DPYD: variants seen among roughly 807,000 people sequenced by gnomAD.
The protein encoded by DPYD is dihydropyrimidine dehydrogenase [NADP(+)].
DPYD carries 109 observed loss-of-function variants against 116.2 expected under a neutral mutation model. The observed-to-expected ratio is 0.94, with a 90% CI of 0.80 to 1.10. The LOEUF is 1.10. Ranked by LOEUF, DPYD falls within the 50% of genes least tolerant of loss-of-function variation. The probability of loss-of-function intolerance (pLI) is 0.00; values close to 1 mark genes in which losing one functional copy is unlikely to be tolerated. For synonymous variants in DPYD, 440 were observed against 432.0 expected, an observed-to-expected ratio of 1.02 and a Z score of -0.23; for missense variants, 1,302 against 1,254.5, an observed-to-expected ratio of 1.04 and a Z score of -0.57.
chr1:97,675,849 A>C (rs993183243), intron 8 of DPYD, among the ~76,000 whole-genome samples: 1 of 151,438 alleles, frequency 6.6e-6, no homozygotes, highest in Non-Finnish European at 1.5e-5. Context: ...CCCCGGTTGA[A>C]GCGATTCTCC....
At chr1:97,867,700 T>C (rs1224371604) in intron 2 of DPYD, among the ~76,000 whole-genome samples, 1 of 151,778 alleles carries the variant, frequency 6.6e-6, no homozygotes, top group Non-Finnish European at 1.5e-5. Flanking sequence ...ACTGTAATCA[T>C]TAGGTGTAGA....
chr1:97,806,314 T>A (rs1463667960), intron 3 of DPYD, among the ~76,000 whole-genome samples: 2 of 151,828 alleles, frequency 1.3e-5, no homozygotes, highest in African/African-American at 4.8e-5. Context: ...TCACCAAAAT[T>A]TGGGTTTTGC....
At chr1:97,477,166 C>T (rs1462974015) in intron 13 of DPYD, among the ~76,000 whole-genome samples, 1 of 152,168 alleles carries the variant, frequency 6.6e-6, no homozygotes, top group Non-Finnish European at 1.5e-5. Context: ...ACATGCAATG[C>T]TATTTGGATA....
chr1:97,593,506 G>T, intron 9 of DPYD, 119 bp from the exon 10 acceptor site: 1 of 1,136,012 alleles, frequency 8.8e-7, no homozygotes, highest in Non-Finnish European at 1.3e-6. Context: ...CCAGGATGAA[G>T]TGTCACTATC....
intron 11 of DPYD, among the ~76,000 whole-genome samples, chr1:97,566,546 T>A (rs1652533180): frequency 6.6e-6 from 1 of 152,142 alleles, no homozygotes; most frequent in African/African-American, 2.4e-5. Context: ...TTGCCATTAG[T>A]CAAAAAGGTA....
In DPYD at chr1:97,894,496, C is replaced by T. The variant is rs541506435; in HGVS notation, c.40-11122G>A. 4.7e-4 allele frequency among the ~76,000 whole-genome samples: 72 copies of T among 151,730 alleles called. 1 individual carries two copies. Among genetic ancestry groups the T allele is most frequent in the African/African-American group, 1.4e-3 (59 of 41,460 alleles). On this transcript the variant is annotated intron_variant, in intron 1 of 22. Coordinates refer to ENST00000370192, the MANE Select transcript of DPYD (RefSeq NM_000110.4). ...TTTAGCCTAAGAGTTCAAATGGTAC[C>T]ATGTTGACTGTACCATTTTATTTTA...
Position 97,365,831 on chromosome 1 carries a change from G to A in DPYD, c.2058+7730C>T, listed in dbSNP as rs199731351. On this transcript the variant is annotated intron_variant, in intron 16 of 22. Coordinates refer to ENST00000370192, the MANE Select transcript of DPYD (RefSeq NM_000110.4). ...GTGTTTTTAGCAGACACGGGGTTTC[G>A]CCATGTTGCCCAGGCTGGTCTCAAA... Among the ~76,000 whole-genome samples, 7 of 151,984 alleles carry A rather than the reference G, an allele frequency of 4.6e-5. No individual in the cohort carries two copies. The East Asian group carries it at 5.8e-4, about 13-fold the overall frequency.
rs1165448418 is a variant in DPYD, at chr1:97,466,921, C to A, written c.1741-16698G>T. Among the ~76,000 whole-genome samples the A allele has an allele frequency of 3.9e-5, 6 of 152,044 alleles. No homozygotes were observed. The East Asian group carries it at 9.6e-4, about 24-fold the overall frequency. On this transcript the variant is annotated intron_variant, in intron 13 of 22. Transcript: ENST00000370192. ...CAGGTTATTGAGATAGAGAAAGAACCCCCTTTAGGGGCCTGCAGTGGGGGG... is the reference window on the plus strand; with the variant it reads ...CAGGTTATTGAGATAGAGAAAGAACACCCTTTAGGGGCCTGCAGTGGGGGG...
intron 4 of DPYD, among the ~76,000 whole-genome samples, chr1:97,737,974 CATTT>C (rs1321567773): frequency 2.0e-5 from 3 of 152,020 alleles, no homozygotes; most frequent in Non-Finnish European, 4.4e-5. Context: ...ACATAGTATA[CATTT>C]ATTTATCTAT....
In DPYD at chr1:97,515,728, T is replaced by C; in HGVS notation, c.1738A>G (p.Lys580Glu). Residue 580 changes from lysine to glutamate, a missense_variant and splice_region_variant, in exon 13 of 23, where the codon AAG (lysine) becomes GAG (glutamate). Transcript: ENST00000370192. The part of the protein sequence containing the change: ...FALTKTFSLD[K>E]DIVTNVSPRI... ...TGACTTCAATAATATTTTCTTACCT[T>C]ATCAAGAGAGAAAGTTTTGGTGAGG... The C allele has an allele frequency of 6.2e-7, 1 of 1,612,230 alleles. No homozygotes were observed. Among genetic ancestry groups the C allele is most frequent in the Non-Finnish European group, 8.5e-7 (1 of 1,178,764 alleles).
At chr1:97,787,786 G>C (rs1667117899) in intron 3 of DPYD, among the ~76,000 whole-genome samples, 1 of 152,164 alleles carries the variant, frequency 6.6e-6, no homozygotes, top group African/African-American at 2.4e-5. Flanking sequence ...ATATTTACAT[G>C]TAAGTGCTAA....
At chr1:97,211,411 T>C (rs1660022090) in intron 19 of DPYD, among the ~76,000 whole-genome samples, 1 of 152,178 alleles carries the variant, frequency 6.6e-6, no homozygotes, top group Non-Finnish European at 1.5e-5. Flanking sequence ...ATTTTTCTTA[T>C]ATATCTGTTT....
rs922838219 is a variant in DPYD, at chr1:97,684,698, C to T, written c.763-5516G>A. ...AACCCACAGAAATACAAACAAGCATCGAAGAATATTATAAACATTTCTATG... is the reference window on the plus strand; with the variant it reads ...AACCCACAGAAATACAAACAAGCATTGAAGAATATTATAAACATTTCTATG... On this transcript the variant is annotated intron_variant, in intron 7 of 22. Transcript: ENST00000370192. 7.2e-5 allele frequency among the ~76,000 whole-genome samples: 11 copies of T among 151,992 alleles called. No individual in the cohort carries two copies. The South Asian group carries it at 8.3e-4, about 12-fold the overall frequency.
At chr1:97,404,500 T>G (rs967106131) in intron 14 of DPYD, among the ~76,000 whole-genome samples, 1 of 152,120 alleles carries the variant, frequency 6.6e-6, no homozygotes, top group South Asian at 2.1e-4. Flanking sequence ...AAGATTCTTA[T>G]GTCTTCCTGG....
At chr1:97,401,306 G>GT (rs776919090) in intron 14 of DPYD, among the ~76,000 whole-genome samples, 10 of 151,420 alleles carry the variant, frequency 6.6e-5, no homozygotes, top group South Asian at 2.1e-4. Flanking sequence ...CTGAGCGGAA[G>GT]TTTTTTTTTG....
intron 16 of DPYD, among the ~76,000 whole-genome samples, chr1:97,323,507 C>CAT (rs1232577792): frequency 1.2e-4 from 6 of 49,376 alleles, no homozygotes; most frequent in Non-Finnish European, 2.1e-4. Context: ...ATCATATGTA[C>CAT]ATATGTGTAT....
intron 8 of DPYD, among the ~76,000 whole-genome samples, chr1:97,671,452 G>A (rs1389839381): frequency 2.0e-5 from 3 of 152,134 alleles, no homozygotes; most frequent in Admixed American, 1.3e-4. Context: ...TGACTTAAGA[G>A]TGGCTTTGAG....
intron 8 of DPYD, among the ~76,000 whole-genome samples, chr1:97,618,428 T>A (rs78891607): frequency 0.081 from 12,135 of 149,780 alleles, 687 homozygotes; most frequent in Middle Eastern, 0.14. Flanking sequence ...CATGCTGGAG[T>A]GCAGTGGCAT....
chr1:97,262,859 A>G (rs534559369), intron 18 of DPYD, among the ~76,000 whole-genome samples: 176 of 152,210 alleles, frequency 1.2e-3, no homozygotes, highest in South Asian at 2.3e-3. Flanking sequence ...TGTGAACATG[A>G]TAAGGGCTAG....
Sources: allele counts gnomAD v4.1 joint callset (sites outside exome capture counted in the v4.1 genomes callset), GRCh38; gene constraint gnomAD v4.1.1; transcripts MANE v1.5; gene names NCBI Gene and HGNC (gene_info 2026-07-23, HGNC 2026-07-21).